PTPRD: variants seen among roughly 807,000 people sequenced by gnomAD.
PTPRD encodes the protein protein tyrosine phosphatase receptor type D.
A neutral mutation model predicts 214.5 loss-of-function variants in PTPRD; 34 were observed. The observed-to-expected ratio is 0.16, with a 90% CI of 0.12 to 0.21. The LOEUF (loss-of-function observed/expected upper bound fraction) is 0.21, where lower values mean the gene tolerates loss of function less well. PTPRD is among the 10% of genes least tolerant of loss of function. The probability of loss-of-function intolerance (pLI) is 1.00; values close to 1 mark genes in which losing one functional copy is unlikely to be tolerated. For missense variants in PTPRD, 2,545 were observed against 2,398.7 expected (o/e 1.06, Z -1.27); for synonymous variants, 1,128 against 845.7 (o/e 1.33, Z -5.79).
chr9:9,149,048 G>A (rs747948398), intron 10 of PTPRD, among the ~76,000 whole-genome samples: 6 of 152,156 alleles, frequency 3.9e-5, no homozygotes, highest in Non-Finnish European at 7.4e-5. Context: ...TTTCAGTTAG[G>A]AGACATGGAA....
intron 5 of PTPRD, among the ~76,000 whole-genome samples, chr9:9,774,839 A>G (rs1192838382): frequency 6.6e-6 from 1 of 152,206 alleles, no homozygotes. Flanking sequence ...CAGGAGGGTT[A>G]ATCGTTATAT....
At chr9:9,954,675 T>C (rs1042393571) in intron 4 of PTPRD, among the ~76,000 whole-genome samples, 1 of 152,110 alleles carries the variant, frequency 6.6e-6, no homozygotes, top group African/African-American at 2.4e-5. Flanking sequence ...CTTATACATA[T>C]AAAATAGTAA....
intron 2 of PTPRD, among the ~76,000 whole-genome samples, chr9:10,367,481 A>T (rs2097537042): frequency 6.6e-6 from 1 of 152,188 alleles, no homozygotes; most frequent in Non-Finnish European, 1.5e-5. Flanking sequence ...TGGGGATACA[A>T]GGAACACAAA....
At chr9:8,586,020 G>C (rs759833659) in intron 14 of PTPRD, among the ~76,000 whole-genome samples, 1 of 143,662 alleles carries the variant, frequency 7.0e-6, no homozygotes, top group African/African-American at 2.8e-5. Context: ...ATAATTTATA[G>C]GCCAGGAGCA....
At chr9:9,350,789 A>G (rs1014701132) in intron 9 of PTPRD, among the ~76,000 whole-genome samples, 5 of 152,088 alleles carry the variant, frequency 3.3e-5, no homozygotes, top group African/African-American at 1.2e-4. Flanking sequence ...TTAAACAGAC[A>G]TTATTAACTT....
At chr9:9,410,651 G>T (rs1401869158) in intron 8 of PTPRD, among the ~76,000 whole-genome samples, 1 of 152,160 alleles carries the variant, frequency 6.6e-6, no homozygotes, top group African/African-American at 2.4e-5. Context: ...GGAAGTTTTA[G>T]GGATTAGAAT....
At chr9:10,530,556 A>C (rs2055926435) in intron 2 of PTPRD, among the ~76,000 whole-genome samples, 1 of 152,178 alleles carries the variant, frequency 6.6e-6, no homozygotes, top group Non-Finnish European at 1.5e-5. Flanking sequence ...AACTGATCCC[A>C]GTGCTGATTC....
intron 3 of PTPRD, among the ~76,000 whole-genome samples, chr9:10,154,929 G>C (rs2099084118): frequency 6.6e-6 from 1 of 152,006 alleles, no homozygotes; most frequent in African/African-American, 2.4e-5. Context: ...TGGTTATTCA[G>C]CCTCTTTTTT....
In PTPRD at chr9:8,910,196, G is replaced by A. The variant is rs193007941; in HGVS notation, c.-104+108501C>T. Among the ~76,000 whole-genome samples, 14 of 151,864 alleles carry A rather than the reference G, an allele frequency of 9.2e-5. No homozygotes were observed. The East Asian group carries it at 1.6e-3, about 17-fold the overall frequency. On this transcript the variant is annotated intron_variant, in intron 11 of 45. Coordinates refer to ENST00000381196, the MANE Select transcript of PTPRD (RefSeq NM_002839.4). ...TGGGACTACAGGCGCCCACAACCAC[G>A]CCTAGCTAGTTTTTGTATTTTTAGT... is the stretch of plus-strand genomic sequence containing the variant.
rs1598996413 is a variant in PTPRD, at chr9:9,829,486, G to C, written c.-367-62635C>G. Among the ~76,000 whole-genome samples, 4 of 151,886 alleles carry C rather than the reference G, an allele frequency of 2.6e-5. No individual in the cohort carries two copies. The South Asian group carries it at 8.3e-4, about 31-fold the overall frequency. ...TCTGGCTTTAATGTGGTCAAATGAT[G>C]ATCCTAGAGAAAAATTCCTAAAATA... is the stretch of plus-strand genomic sequence containing the variant. On this transcript the variant is annotated intron_variant, in intron 5 of 45. Coordinates refer to ENST00000381196, the MANE Select transcript of PTPRD (RefSeq NM_002839.4).
chr9:10,085,676 A>C (rs1224140920), intron 3 of PTPRD, among the ~76,000 whole-genome samples: 2 of 151,786 alleles, frequency 1.3e-5, no homozygotes, highest in Non-Finnish European at 2.9e-5. Flanking sequence ...CATCACACAC[A>C]TTCATAGACA....
rs1030469706 is a variant in PTPRD, at chr9:10,118,767, C to A, written c.-544-84977G>T. On this transcript the variant is annotated intron_variant, in intron 3 of 45. Transcript: ENST00000381196. ...TCAACACTACATTTTAATCCAATCA[C>A]AACTAGAATTTGATGTTGAGTTCTA... Among the ~76,000 whole-genome samples, 3 of 151,370 alleles carry A rather than the reference C, an allele frequency of 2.0e-5. No homozygotes were observed. The South Asian group carries it at 6.2e-4, about 31-fold the overall frequency.
intron 3 of PTPRD, among the ~76,000 whole-genome samples, chr9:10,173,823 G>A (rs953253941): frequency 6.6e-6 from 1 of 151,538 alleles, no homozygotes; most frequent in African/African-American, 2.4e-5. Flanking sequence ...ACAATTACAA[G>A]TAATAACAAG....
At chr9:9,379,680 C>A (rs2061660348) in intron 9 of PTPRD, among the ~76,000 whole-genome samples, 1 of 151,958 alleles carries the variant, frequency 6.6e-6, no homozygotes. Flanking sequence ...AAATATATTT[C>A]CATAAATTTG....
At chr9:8,986,538 A>C (rs1339743108) in intron 11 of PTPRD, among the ~76,000 whole-genome samples, 1 of 151,860 alleles carries the variant, frequency 6.6e-6, no homozygotes, top group Admixed American at 6.6e-5. Context: ...TATCATAAAA[A>C]TCTACTTTTG....
At chr9:8,359,193 G>T (rs749943334) in intron 39 of PTPRD, among the ~76,000 whole-genome samples, 1 of 150,710 alleles carries the variant, frequency 6.6e-6, no homozygotes, top group East Asian at 1.9e-4. Flanking sequence ...AGATCTGGTG[G>T]TTCTCAAAGT....
intron 39 of PTPRD, among the ~76,000 whole-genome samples, chr9:8,351,562 AACTC>A (rs908701941): frequency 5.9e-5 from 9 of 152,110 alleles, no homozygotes; most frequent in Admixed American, 5.9e-4. Context: ...GAACCTAATT[AACTC>A]TAGCTCAGGA....
intron 3 of PTPRD, among the ~76,000 whole-genome samples, chr9:10,327,075 C>A (rs1408151830): frequency 6.6e-6 from 1 of 150,608 alleles, no homozygotes; most frequent in African/African-American, 2.4e-5. Context: ...TTAAGAGGCA[C>A]TGAAGACATT....
chr9:8,361,347 A>G (rs1220739040), intron 39 of PTPRD, among the ~76,000 whole-genome samples: 1 of 152,172 alleles, frequency 6.6e-6, no homozygotes, highest in East Asian at 1.9e-4. Context: ...TGAAAATTTT[A>G]AAAGACTGCA....
Sources: gnomAD v4.1 joint callset for allele counts (sites outside exome capture counted in the v4.1 genomes callset) on GRCh38, gnomAD v4.1.1 for gene constraint, MANE v1.5 for transcripts, NCBI Gene and HGNC (gene_info 2026-07-23, HGNC 2026-07-21) for gene names.